RERG: variants seen among roughly 807,000 people sequenced by gnomAD.
The protein encoded by RERG is ras-related and estrogen-regulated growth inhibitor.
In RERG, 25 loss-of-function variants were observed where a neutral mutation model predicts 23.2. The observed-to-expected ratio is 1.08, with a 90% confidence interval of 0.79 to 1.50. RERG has a LOEUF of 1.50. Ranked by LOEUF, RERG falls within the 40% of genes most tolerant of loss-of-function variation. RERG has a pLI of 0.00. For synonymous variants in RERG, 81 were observed against 89.1 expected (o/e 0.91, Z 0.51); for missense variants, 253 against 250.1 (o/e 1.01, Z -0.08).
intron 2 of RERG, among the ~76,000 whole-genome samples, chr12:15,212,586 A>G (rs1420595281): frequency 6.6e-6 from 1 of 152,156 alleles, no homozygotes; most frequent in African/African-American, 2.4e-5. Context: ...CTTTGAAAAC[A>G]ATATTCAGAA....
intron 4 of RERG, among the ~76,000 whole-genome samples, chr12:15,110,554 C>G (rs1341025481): frequency 1.4e-5 from 2 of 138,198 alleles, no homozygotes; most frequent in Non-Finnish European, 1.5e-5. Flanking sequence ...TCTTGGCTCG[C>G]TGCAAGCTCC....
intron 2 of RERG, among the ~76,000 whole-genome samples, chr12:15,200,224 T>C (rs1272556039): frequency 6.6e-6 from 1 of 152,132 alleles, no homozygotes; most frequent in Non-Finnish European, 1.5e-5. Context: ...GCTCGTGTTT[T>C]CTTAGTGATG....
intron 2 of RERG, among the ~76,000 whole-genome samples, chr12:15,203,127 A>G (rs1001663125): frequency 1.3e-5 from 2 of 151,758 alleles, no homozygotes; most frequent in African/African-American, 2.4e-5. Flanking sequence ...AGAAATGTCA[A>G]TTTAAACACT....
At chr12:15,203,500 G>C (rs767225483) in intron 2 of RERG, among the ~76,000 whole-genome samples, 2 of 151,656 alleles carry the variant, frequency 1.3e-5, no homozygotes, top group Non-Finnish European at 3.0e-5. Flanking sequence ...ATTTTTCTAA[G>C]ATTAGGAACA....
intron 2 of RERG, among the ~76,000 whole-genome samples, chr12:15,156,621 G>T (rs1045476436): frequency 2.6e-5 from 4 of 152,140 alleles, no homozygotes; most frequent in African/African-American, 9.7e-5. Flanking sequence ...GAAATTACTA[G>T]GTTCAGAAAA....
At chr12:15,125,822 A>G (rs998693946) in intron 2 of RERG, among the ~76,000 whole-genome samples, 5 of 151,916 alleles carry the variant, frequency 3.3e-5, no homozygotes, top group African/African-American at 1.2e-4. Flanking sequence ...CATTTAGTGT[A>G]TGCTCTATTC....
intron 2 of RERG, among the ~76,000 whole-genome samples, chr12:15,126,881 C>A (rs894669934): frequency 2.0e-5 from 3 of 150,508 alleles, no homozygotes; most frequent in African/African-American, 7.5e-5. Flanking sequence ...CCACACCCGG[C>A]TAATTTTTTT....
At chr12:15,205,693 G>C (rs554095156) in intron 2 of RERG, among the ~76,000 whole-genome samples, 1 of 151,848 alleles carries the variant, frequency 6.6e-6, no homozygotes, top group South Asian at 2.1e-4. Flanking sequence ...TTTTCTTTTT[G>C]ACTTCACCTC....
chr12:15,179,603 C>A (rs192293664), intron 2 of RERG, among the ~76,000 whole-genome samples: 7 of 152,252 alleles, frequency 4.6e-5, no homozygotes, highest in African/African-American at 1.2e-4. Context: ...ATCTTTCCCC[C>A]AAAAATTGTT....
chr12:15,166,780 T>C (rs529196190), intron 2 of RERG, among the ~76,000 whole-genome samples: 2 of 152,296 alleles, frequency 1.3e-5, no homozygotes, highest in East Asian at 3.9e-4. Context: ...AGATCACTTT[T>C]TTTTTTTTCG....
intron 2 of RERG, among the ~76,000 whole-genome samples, chr12:15,167,415 G>A (rs1864711027): frequency 6.6e-6 from 1 of 152,118 alleles, no homozygotes; most frequent in Admixed American, 6.6e-5. Flanking sequence ...CCTGGGGAGG[G>A]GCTTGTTAAC....
At chr12:15,159,014 G>T (rs1173764358) in intron 2 of RERG, among the ~76,000 whole-genome samples, 1 of 152,118 alleles carries the variant, frequency 6.6e-6, no homozygotes, top group Non-Finnish European at 1.5e-5. Context: ...GCCTCCACTG[G>T]TGACTCCTGC....
chr12:15,121,251 T>C (rs1256292240), intron 2 of RERG, 132 bp from the exon 3 acceptor site: 5 of 646,752 alleles, frequency 7.7e-6, no homozygotes, highest in East Asian at 5.6e-5. Flanking sequence ...ATAAAACAAA[T>C]AAATTTTTTT....
chr12:15,186,344 G>A (rs1054188701), intron 2 of RERG, among the ~76,000 whole-genome samples: 3 of 151,882 alleles, frequency 2.0e-5, no homozygotes, highest in Non-Finnish European at 4.4e-5. Context: ...GATGTTTGCT[G>A]GGCCATGTGC....
At chr12:15,148,938 G>A (rs1251743155) in intron 2 of RERG, among the ~76,000 whole-genome samples, 3 of 127,826 alleles carry the variant, frequency 2.3e-5, no homozygotes, top group Admixed American at 9.7e-5. Flanking sequence ...GCGCCGTCTC[G>A]GCTCACTGCA....
intron 2 of RERG, among the ~76,000 whole-genome samples, chr12:15,151,530 A>G (rs1394320460): frequency 1.3e-5 from 2 of 152,228 alleles, no homozygotes; most frequent in African/African-American, 4.8e-5. Flanking sequence ...TTTGTTGTAG[A>G]TTGTAGATGT....
At chr12:15,152,409 GT>G (rs1864458343) in intron 2 of RERG, among the ~76,000 whole-genome samples, 1 of 152,112 alleles carries the variant, frequency 6.6e-6, no homozygotes, top group South Asian at 2.1e-4. Context: ...TATCCATAGT[GT>G]TTCCCCTCTA....
chr12:15,180,261 T>C (rs1054484436), intron 2 of RERG, among the ~76,000 whole-genome samples: 5 of 151,962 alleles, frequency 3.3e-5, no homozygotes, highest in African/African-American at 9.7e-5. Context: ...AAATCAAAAA[T>C]AAAAATGTAG....
At chr12:15,202,331 A>T (rs1006750105) in intron 2 of RERG, among the ~76,000 whole-genome samples, 2 of 151,738 alleles carry the variant, frequency 1.3e-5, no homozygotes, top group Non-Finnish European at 1.5e-5. Context: ...CCTCTTAACA[A>T]ATTTTTAAGC....
Sources: gnomAD v4.1 joint callset for allele counts (sites outside exome capture counted in the v4.1 genomes callset) on GRCh38, gnomAD v4.1.1 for gene constraint, MANE v1.5 for transcripts, NCBI Gene and HGNC (gene_info 2026-07-23, HGNC 2026-07-21) for gene names.